The following TENM2 variants were observed in gnomAD, a reference collection of about 807,000 sequenced individuals.
TENM2 encodes teneurin-2.
A neutral mutation model predicts 245.2 loss-of-function variants in TENM2; 52 were observed. That is an observed-to-expected ratio of 0.21 (90% confidence interval 0.17 to 0.27). The LOEUF (loss-of-function observed/expected upper bound fraction) is 0.27, where lower values mean the gene tolerates loss of function less well. Among genes scored for constraint, TENM2 ranks in the 10% least tolerant of loss-of-function variants. The probability of loss-of-function intolerance (pLI) is 1.00; values close to 1 mark genes in which losing one functional copy is unlikely to be tolerated. For missense variants in TENM2, 3,046 were observed against 3,666.8 expected (o/e 0.83, Z 4.37); for synonymous variants, 1,363 against 1,438.9 (o/e 0.95, Z 1.19).
At chr5:168,168,662 A>G (rs1164486563) in intron 13 of TENM2, among the ~76,000 whole-genome samples, 1 of 141,294 alleles carries the variant, frequency 7.1e-6, no homozygotes, top group African/African-American at 2.7e-5. Flanking sequence ...AGCCTGGGCG[A>G]CAGAGTGAGA....
At chr5:168,077,940 C>A (rs1434966609) in intron 7 of TENM2, among the ~76,000 whole-genome samples, 1 of 152,112 alleles carries the variant, frequency 6.6e-6, no homozygotes, top group African/African-American at 2.4e-5. Context: ...TGGGTATATA[C>A]CCAGTAACAG....
intron 25 of TENM2, among the ~76,000 whole-genome samples, chr5:168,232,785 A>G (rs1217013434): frequency 6.6e-6 from 1 of 152,236 alleles, no homozygotes; most frequent in Non-Finnish European, 1.5e-5. Flanking sequence ...AGTGGAGGAA[A>G]GTATCAGTGG....
At chr5:167,650,294 G>A (rs1306081263) in intron 2 of TENM2, among the ~76,000 whole-genome samples, 1 of 152,132 alleles carries the variant, frequency 6.6e-6, no homozygotes, top group African/African-American at 2.4e-5. Flanking sequence ...TTTCTAATTA[G>A]GTTCTTCACA....
chr5:167,015,466 C>G, the TENM2 span, among the ~76,000 whole-genome samples: 1 of 152,158 alleles, frequency 6.6e-6, no homozygotes, highest in African/African-American at 2.4e-5. Context: ...GCATATGGAA[C>G]TTTACTAACA....
At chr5:168,020,026 A>G (rs541546388) in intron 5 of TENM2, among the ~76,000 whole-genome samples, 3 of 152,060 alleles carry the variant, frequency 2.0e-5, no homozygotes, top group African/African-American at 7.2e-5. Flanking sequence ...ATTATATACC[A>G]TGTTCTCTGA....
intron 4 of TENM2, among the ~76,000 whole-genome samples, chr5:167,953,682 C>T (rs146477878): frequency 8.1e-4 from 124 of 152,224 alleles, no homozygotes; most frequent in African/African-American, 2.7e-3. Context: ...ACCATGGAGA[C>T]GGAACAGAGA....
the TENM2 span, among the ~76,000 whole-genome samples, chr5:167,183,640 A>G: frequency 6.6e-6 from 1 of 152,182 alleles, no homozygotes; most frequent in East Asian, 1.9e-4. Context: ...CAGAAAAATA[A>G]GAGATCAACC....
intron 2 of TENM2, among the ~76,000 whole-genome samples, chr5:167,718,759 A>G (rs763080706): frequency 2.6e-5 from 4 of 152,116 alleles, no homozygotes; most frequent in East Asian, 1.9e-4. Context: ...GTTTGAGTCA[A>G]TAGTTTGGGT....
chr5:167,405,170 AT>A (rs369205388), intron 2 of TENM2, among the ~76,000 whole-genome samples: 5 of 151,742 alleles, frequency 3.3e-5, no homozygotes, highest in East Asian at 2.0e-4. Context: ...TAGCATGTTT[AT>A]TTTTTTTCAT....
At chr5:167,302,612 A>G (rs779569659) in intron 1 of TENM2, among the ~76,000 whole-genome samples, 65 of 150,136 alleles carry the variant, frequency 4.3e-4, no homozygotes, top group Admixed American at 1.2e-3. Context: ...GGCGTGGAAA[A>G]GGATCAGGGT....
the TENM2 span, among the ~76,000 whole-genome samples, chr5:167,218,709 C>T: frequency 6.6e-6 from 1 of 152,166 alleles, no homozygotes; most frequent in African/African-American, 2.4e-5. Context: ...TGTTGCTTTT[C>T]CAAGAGACCC....
chr5:167,903,739 G>A (rs1775887250), intron 3 of TENM2, among the ~76,000 whole-genome samples: 1 of 152,194 alleles, frequency 6.6e-6, no homozygotes, highest in African/African-American at 2.4e-5. Flanking sequence ...GCATCTGGGA[G>A]TTTCTCAGAA....
In TENM2 at chr5:168,216,704, C is replaced by G. The variant is rs930364519; in HGVS notation, c.4079-64C>G. The G allele has an allele frequency of 5.1e-6, 8 of 1,558,454 alleles. No individual in the cohort carries two copies. The African/African-American group carries it at 1.1e-4, about 21-fold the overall frequency. On this transcript the variant is annotated intron_variant, in intron 21 of 28. Transcript: ENST00000518659. ...AGTGCTCAGCAAGGCATCTCATCTC[C>G]CACCTCCACCCCGCAATCCTACACC...
chr5:168,004,517 G>GCGCGCGCGCACACACACA (rs898616203), intron 5 of TENM2, among the ~76,000 whole-genome samples: 20 of 132,222 alleles, frequency 1.5e-4, no homozygotes, highest in African/African-American at 6.0e-4. Context: ...GCGCGCGCGC[G>GCGCGCGCGCACACACACA]CACACACACA....
At chr5:167,628,784 G>A (rs1778681382) in intron 2 of TENM2, among the ~76,000 whole-genome samples, 1 of 152,132 alleles carries the variant, frequency 6.6e-6, no homozygotes, top group Non-Finnish European at 1.5e-5. Context: ...AGAATACCTT[G>A]CAGTTGAGGA....
chr5:167,346,928 C>G (rs1405103485), intron 1 of TENM2, among the ~76,000 whole-genome samples: 1 of 152,070 alleles, frequency 6.6e-6, no homozygotes, highest in Non-Finnish European at 1.5e-5. Flanking sequence ...GTGTACGCCT[C>G]CACACCCAGC....
intron 25 of TENM2, among the ~76,000 whole-genome samples, chr5:168,241,820 A>G (rs111482722): frequency 7.8e-4 from 119 of 152,294 alleles, no homozygotes; most frequent in Middle Eastern, 6.8e-3. Flanking sequence ...GCTTGTATCA[A>G]TTTAGATTTG....
At chr5:167,518,200 C>T (rs902235611) in intron 2 of TENM2, among the ~76,000 whole-genome samples, 10 of 151,948 alleles carry the variant, frequency 6.6e-5, no homozygotes, top group African/African-American at 2.2e-4. Flanking sequence ...CATTTGTCAT[C>T]CTCTTCTATC....
the TENM2 span, among the ~76,000 whole-genome samples, chr5:166,995,489 C>G: frequency 6.6e-6 from 1 of 151,936 alleles, no homozygotes; most frequent in Non-Finnish European, 1.5e-5. Flanking sequence ...GATCCAGCTG[C>G]CTTGGCCTCC....
Sources: allele counts gnomAD v4.1 joint callset (sites outside exome capture counted in the v4.1 genomes callset), GRCh38; gene constraint gnomAD v4.1.1; transcripts MANE v1.5; gene names NCBI Gene and HGNC (gene_info 2026-07-23, HGNC 2026-07-21).